SEC23A: variants seen among roughly 807,000 people sequenced by gnomAD.
SEC23A encodes the protein SEC23 homolog A, COPII component, also known as protein transport protein Sec23A.
A neutral mutation model predicts 103.7 loss-of-function variants in SEC23A; 56 were observed. That is an observed-to-expected ratio of 0.54 (90% CI 0.44 to 0.67). The LOEUF is 0.67. Ranked by LOEUF, SEC23A falls within the 30% of genes least tolerant of loss-of-function variation. The pLI is 0.00. For synonymous variants in SEC23A, 281 were observed against 293.0 expected, an observed-to-expected ratio of 0.96 and a Z score of 0.42; for missense variants, 784 against 936.4, an observed-to-expected ratio of 0.84 and a Z score of 2.12.
At chr14:39,064,839 C>T in intron 11 of SEC23A, 74 bp downstream of exon 11, 1 of 1,093,228 alleles carries the variant, frequency 9.1e-7, no homozygotes, top group South Asian at 1.2e-5. Context: ...CTCAGCTTCC[C>T]AAGTACCTGG....
rs55763808 is a variant in SEC23A at position 39,094,442 on chromosome 14, ATTT to A, written c.222-1201_222-1199del. 1.9e-3 allele frequency among the ~76,000 whole-genome samples: 18 copies of A among 9,642 alleles called. 4 individuals carry two copies. Among genetic ancestry groups the A allele is most frequent in the South Asian group, 4.2e-3 (1 of 240 alleles). 6.3% of individuals were successfully genotyped at this position (9,642 alleles called of 152,430 possible). A position where few individuals can be genotyped will look rare whatever the true frequency, so the allele number is the denominator to read the frequency against. ...TATATATATATATATATATATATAT[ATTT>A]TTTTTTTTTTTTTTTCCCCTCCTGT... On this transcript the variant is annotated intron_variant, in intron 2 of 19. Transcript: ENST00000307712.
intron 9 of SEC23A, 57 bp downstream of exon 9, chr14:39,074,358 C>T (rs1886938607): frequency 9.4e-7 from 1 of 1,067,494 alleles, no homozygotes; most frequent in Non-Finnish European, 1.5e-6. Context: ...TGGTTTATAT[C>T]AGTAAATGTC....
chr14:39,035,804 A>T (rs1046873706), intron 19 of SEC23A, among the ~76,000 whole-genome samples: 1 of 152,206 alleles, frequency 6.6e-6, no homozygotes, highest in African/African-American at 2.4e-5. Flanking sequence ...GTAATTAATA[A>T]TCTAACAGGA....
chr14:39,055,622 A>G (rs1196217199), intron 13 of SEC23A, among the ~76,000 whole-genome samples: 2 of 152,148 alleles, frequency 1.3e-5, no homozygotes, highest in East Asian at 1.9e-4. Flanking sequence ...ATAAAGAAAA[A>G]TAAAATTAAA....
intron 7 of SEC23A, 26 bp from the exon 8 acceptor site, chr14:39,076,119 A>G (rs1466915254): frequency 6.5e-7 from 1 of 1,534,406 alleles, no homozygotes; most frequent in Non-Finnish European, 8.9e-7. Flanking sequence ...TCAAGAGTTT[A>G]AAAGAAAACA....
At chr14:39,061,918 G>A in intron 12 of SEC23A, 47 bp from the exon 13 acceptor site, 1 of 1,177,692 alleles carries the variant, frequency 8.5e-7, no homozygotes, top group Non-Finnish European at 1.3e-6. Context: ...TTACTATGCT[G>A]TTGTCATATA....
chr14:39,041,868 CA>C (rs773512856), intron 17 of SEC23A, among the ~76,000 whole-genome samples: 2,739 of 88,758 alleles, frequency 0.031, 71 homozygotes, highest in African/African-American at 0.12. Context: ...GACTGAGTCT[CA>C]AAAAAAAAAA....
At chr14:39,094,820 T>C in intron 2 of SEC23A, 1 of 578,970 alleles carries the variant, frequency 1.7e-6, no homozygotes, top group Non-Finnish European at 3.0e-6. Flanking sequence ...GTTAAGGTAT[T>C]ATGTAGATGA....
chr14:39,067,420 C>A, intron 9 of SEC23A, 124 bp from the exon 10 acceptor site: 2 of 988,810 alleles, frequency 2.0e-6, no homozygotes. Context: ...CCAAAATGTG[C>A]TGTATTACTA....
At chr14:39,052,372 G>A (rs886824985) in intron 14 of SEC23A, among the ~76,000 whole-genome samples, 1 of 151,850 alleles carries the variant, frequency 6.6e-6, no homozygotes, top group African/African-American at 2.4e-5. Context: ...AGATATAAAA[G>A]AGAACAATTC....
chr14:39,068,798 A>C (rs1886755224), intron 9 of SEC23A, among the ~76,000 whole-genome samples: 1 of 152,230 alleles, frequency 6.6e-6, no homozygotes, highest in Admixed American at 6.5e-5. Flanking sequence ...AATAGGCAAA[A>C]GAATAAAACT....
chr14:39,063,138 T>TAGA (rs1213926146), intron 12 of SEC23A, among the ~76,000 whole-genome samples, 186 bp downstream of exon 12: 28 of 152,200 alleles, frequency 1.8e-4, no homozygotes, highest in African/African-American at 6.8e-4. Flanking sequence ...TCTATTACAA[T>TAGA]ATGTACTCTC....
chr14:39,100,601 T>TG (rs1256377619), intron 1 of SEC23A, among the ~76,000 whole-genome samples: 2 of 151,694 alleles, frequency 1.3e-5, no homozygotes, highest in Admixed American at 6.6e-5. Context: ...TTAGTAGAGA[T>TG]GGGGTTTCTC....
At chr14:39,074,745 A>T (rs1281262300) in intron 8 of SEC23A, among the ~76,000 whole-genome samples, 1 of 152,222 alleles carries the variant, frequency 6.6e-6, no homozygotes, top group Non-Finnish European at 1.5e-5. Flanking sequence ...TTTCTAGATA[A>T]ACCCCTAAAT....
chr14:39,051,273 AC>A (rs773913564), intron 14 of SEC23A, among the ~76,000 whole-genome samples: 5 of 152,180 alleles, frequency 3.3e-5, no homozygotes, highest in Non-Finnish European at 7.4e-5. Flanking sequence ...TGGTGCTGGC[AC>A]CATGTCTGTT....
chr14:39,036,320 C>CAAA (rs59018206), intron 19 of SEC23A, among the ~76,000 whole-genome samples: 1,079 of 69,688 alleles, frequency 0.015, 93 homozygotes, highest in African/African-American at 0.047. Flanking sequence ...GACTCCGTCT[C>CAAA]AAAAAAAAAA....
At chr14:39,048,538 T>G (rs988764464) in intron 15 of SEC23A, 114 bp downstream of exon 15, 1 of 703,496 alleles carries the variant, frequency 1.4e-6, no homozygotes, top group African/African-American at 1.8e-5. Flanking sequence ...AGTTCCAGGT[T>G]ACAGTGAGCT....
At chr14:39,095,026 C>T (rs1293348320) in intron 2 of SEC23A, 1 of 698,114 alleles carries the variant, frequency 1.4e-6, no homozygotes, top group African/African-American at 1.8e-5. Flanking sequence ...TGCTGAAAGA[C>T]AAGAATAGAA....
intron 2 of SEC23A, among the ~76,000 whole-genome samples, chr14:39,094,371 T>TACACAC: frequency 6.3e-5 from 1 of 15,960 alleles, no homozygotes; most frequent in South Asian, 1.9e-3. Context: ...TACATATATA[T>TACACAC]ATACACACAC....
Sources: gnomAD v4.1 joint callset for allele counts (sites outside exome capture counted in the v4.1 genomes callset) on GRCh38, gnomAD v4.1.1 for gene constraint, MANE v1.5 for transcripts, NCBI Gene and HGNC (gene_info 2026-07-23, HGNC 2026-07-21) for gene names.